The following ZNF536 variants were observed in gnomAD, a reference collection of about 807,000 sequenced individuals.
ZNF536 encodes zinc finger protein 536.
Under a neutral mutation model 84.5 loss-of-function variants are expected in ZNF536, and 13 were observed. The ratio of observed to expected loss-of-function variants is 0.15; its 90% CI spans 0.10 to 0.24. ZNF536 has a LOEUF of 0.24. Among genes scored for constraint, ZNF536 ranks in the 10% least tolerant of loss-of-function variants. The pLI is 1.00. For synonymous variants in ZNF536, 811 were observed against 742.5 expected (o/e 1.09, Z -1.50); for missense variants, 1,536 against 1,747.5 (o/e 0.88, Z 2.16).
intron 2 of ZNF536, among the ~76,000 whole-genome samples, chr19:30,466,596 G>A (rs997159146): frequency 6.6e-6 from 1 of 151,212 alleles, no homozygotes; most frequent in East Asian, 1.9e-4. Context: ...GAGAGAGAGA[G>A]AGAGAGAAAG....
intron 2 of ZNF536, among the ~76,000 whole-genome samples, chr19:30,453,722 C>T (rs1256914214): frequency 2.0e-5 from 3 of 152,268 alleles, no homozygotes; most frequent in Admixed American, 6.5e-5. Context: ...CAAACACCAT[C>T]TTCAGCTACC....
At chr19:30,475,760 G>A (rs1169641704) in intron 2 of ZNF536, among the ~76,000 whole-genome samples, 1 of 152,120 alleles carries the variant, frequency 6.6e-6, no homozygotes, top group East Asian at 1.9e-4. Flanking sequence ...ATGGCCCCGT[G>A]TACTGGCTCT....
At chr19:30,367,745 C>T (rs1005754383), upstream of ZNF536, among the ~76,000 whole-genome samples, 2 of 152,104 alleles carry the variant, frequency 1.3e-5, no homozygotes, top group African/African-American at 2.4e-5. Flanking sequence ...AGCTGAGGGG[C>T]GAGCGCTCTC....
intron 2 of ZNF536, among the ~76,000 whole-genome samples, chr19:30,508,087 C>CT (rs2055245666): frequency 6.6e-6 from 1 of 152,226 alleles, no homozygotes; most frequent in Non-Finnish European, 1.5e-5. Context: ...GCCTGTGGCA[C>CT]TGTGCCCCAG....
chr19:30,422,520 G>C (rs1343622743), intron 1 of ZNF536, among the ~76,000 whole-genome samples: 1 of 152,130 alleles, frequency 6.6e-6, no homozygotes, highest in Admixed American at 6.5e-5. Flanking sequence ...TATAGCCCAT[G>C]GGGGTGGCCT....
At chr19:30,398,059 T>G (rs1413989789) in intron 1 of ZNF536, among the ~76,000 whole-genome samples, 2 of 152,194 alleles carry the variant, frequency 1.3e-5, no homozygotes, top group African/African-American at 4.8e-5. Context: ...TATGGAGAGG[T>G]CTTTGGTTTT....
chr19:30,394,577 C>G (rs1388169423), intron 1 of ZNF536, among the ~76,000 whole-genome samples: 1 of 152,186 alleles, frequency 6.6e-6, no homozygotes, highest in Non-Finnish European at 1.5e-5. Flanking sequence ...CTATGCACCA[C>G]CATGCCCTCC....
At chr19:30,517,451 T>C (rs2044127152) in intron 2 of ZNF536, among the ~76,000 whole-genome samples, 1 of 152,126 alleles carries the variant, frequency 6.6e-6, no homozygotes. Flanking sequence ...ACGCATCCAC[T>C]GCCCAGCCCA....
intron 1 of ZNF536, among the ~76,000 whole-genome samples, chr19:30,574,616 C>T (rs945664245): frequency 2.0e-5 from 3 of 152,220 alleles, no homozygotes; most frequent in African/African-American, 7.2e-5. Context: ...TCCGGTCAAT[C>T]CAGCATTCTT....
intron 2 of ZNF536, among the ~76,000 whole-genome samples, chr19:30,496,313 T>A (rs935789417): frequency 6.6e-6 from 1 of 152,208 alleles, no homozygotes; most frequent in African/African-American, 2.4e-5. Context: ...TCAGCCGGAT[T>A]GCCAGCTCTT....
chr19:30,436,378 C>A, intron 1 of ZNF536: 3 of 464,956 alleles, frequency 6.5e-6, no homozygotes, highest in Non-Finnish European at 8.5e-6. Context: ...AATCATCTGG[C>A]AAATAAACCA....
chr19:30,284,582 T>C (rs947968510), intron 2 of ZNF536, among the ~76,000 whole-genome samples: 2 of 152,242 alleles, frequency 1.3e-5, no homozygotes, highest in Admixed American at 6.5e-5. Flanking sequence ...AGCTGCTCCG[T>C]GTTTGTCACC....
At chr19:30,466,596 G>C (rs997159146) in intron 2 of ZNF536, among the ~76,000 whole-genome samples, 1 of 151,100 alleles carries the variant, frequency 6.6e-6, no homozygotes, top group Non-Finnish European at 1.5e-5. Context: ...GAGAGAGAGA[G>C]AGAGAGAAAG....
chr19:30,601,426 C>T (rs2047679585), intron 1 of ZNF536, among the ~76,000 whole-genome samples: 1 of 152,190 alleles, frequency 6.6e-6, no homozygotes, highest in Admixed American at 6.5e-5. Context: ...CATTCTTAGC[C>T]TGTGGGACAC....
chr19:30,255,523 A>T (rs1230226025), intron 1 of ZNF536, among the ~76,000 whole-genome samples: 1 of 152,208 alleles, frequency 6.6e-6, no homozygotes, highest in Non-Finnish European at 1.5e-5. Flanking sequence ...TTTACAAAAC[A>T]GGAAGGTTTT....
intron 1 of ZNF536, among the ~76,000 whole-genome samples, chr19:30,418,291 C>G (rs113389470): frequency 2.0e-5 from 3 of 152,144 alleles, no homozygotes; most frequent in African/African-American, 7.2e-5. Context: ...CTGTGACCTA[C>G]TCACTGTATA....
chr19:30,329,400 G>A (rs1239505582), intron 2 of ZNF536, among the ~76,000 whole-genome samples: 1 of 151,310 alleles, frequency 6.6e-6, no homozygotes, highest in African/African-American at 2.4e-5. Flanking sequence ...GGGGGCTGGG[G>A]AATGGGAGGT....
intron 2 of ZNF536, among the ~76,000 whole-genome samples, chr19:30,342,624 A>G (rs966457822): frequency 6.6e-6 from 1 of 152,222 alleles, no homozygotes; most frequent in Non-Finnish European, 1.5e-5. Flanking sequence ...CTGAAATTGA[A>G]ATTCATAAAC....
At chr19:30,658,823 C>A (rs945080390) in intron 1 of ZNF536, among the ~76,000 whole-genome samples, 1 of 152,158 alleles carries the variant, frequency 6.6e-6, no homozygotes, top group African/African-American at 2.4e-5. Context: ...CAGTGACCAG[C>A]CCAGAGAAGA....
Sources: allele counts gnomAD v4.1 joint callset (sites outside exome capture counted in the v4.1 genomes callset), GRCh38; gene constraint gnomAD v4.1.1; transcripts MANE v1.5; gene names NCBI Gene and HGNC (gene_info 2026-07-23, HGNC 2026-07-21).